PPIE: variants seen among roughly 807,000 people sequenced by gnomAD.
PPIE encodes peptidylprolyl isomerase E.
In PPIE, 20 loss-of-function variants were observed where a neutral mutation model predicts 38.4. That is an observed-to-expected ratio of 0.52 (90% confidence interval 0.37 to 0.76). The LOEUF (loss-of-function observed/expected upper bound fraction) is 0.76, where lower values mean the gene tolerates loss of function less well. Ranked by LOEUF, PPIE falls within the 30% of genes least tolerant of loss-of-function variation. The probability of loss-of-function intolerance (pLI) is 0.00; values close to 1 mark genes in which losing one functional copy is unlikely to be tolerated. For synonymous variants in PPIE, 142 were observed against 135.7 expected, an observed-to-expected ratio of 1.05 and a Z score of -0.32; for missense variants, 322 against 385.8, an observed-to-expected ratio of 0.83 and a Z score of 1.39.
intron 8 of PPIE, among the ~76,000 whole-genome samples, chr1:39,751,198 T>G (rs575237827): frequency 6.6e-6 from 1 of 152,332 alleles, no homozygotes; most frequent in African/African-American, 2.4e-5. Flanking sequence ...ATCTGTTTAT[T>G]TACATAGTAG....
Position 39,743,858 on chromosome 1 carries a change from T to G in PPIE, c.318T>G (p.Ser106=), listed in dbSNP as rs1647124536. 1 of 1,613,864 alleles carries G rather than the reference T, an allele frequency of 6.2e-7. No homozygotes were observed. Among genetic ancestry groups the G allele is most frequent in the Admixed American group, 1.7e-5 (1 of 60,008 alleles). ...ATGATGACTGGTTGAAGAAGTTTTCTGGGAAGACGCTTGAAGAGAATAAAG... is the reference window on the plus strand; with the variant it reads ...ATGATGACTGGTTGAAGAAGTTTTCGGGGAAGACGCTTGAAGAGAATAAAG... ...WSDDDWLKKF[S]GKTLEENKEE... is the part of the protein sequence containing the mutation. The change falls in exon 6 of 10, where the codon TCT becomes TCG. Residue 106 remains serine (S), a synonymous_variant. Transcript: ENST00000324379.
chr1:39,760,566 C>CA, downstream of PPIE: 1 of 1,613,504 alleles, frequency 6.2e-7, no homozygotes, highest in South Asian at 1.1e-5. Context: ...TCATCAGGTG[C>CA]ACCTGGCCAG....
chr1:39,760,665 G>T, downstream of PPIE: 1 of 1,453,114 alleles, frequency 6.9e-7, no homozygotes, highest in Non-Finnish European at 9.2e-7. Flanking sequence ...CCCTGCCCTG[G>T]CCATCTCCAG....
At chr1:39,743,161 C>CT (rs1252379219) in intron 4 of PPIE, 55 bp from the exon 5 acceptor site, 1 of 1,462,010 alleles carries the variant, frequency 6.8e-7, no homozygotes, top group Non-Finnish European at 9.6e-7. Flanking sequence ...GGAAAGCTGG[C>CT]TGGCCCTCTT....
intron 7 of PPIE, 181 bp downstream of exon 7, chr1:39,745,679 T>A: frequency 2.3e-6 from 2 of 879,168 alleles, no homozygotes; most frequent in Non-Finnish European, 3.4e-6. Flanking sequence ...TTTGAAGCTT[T>A]ATAAGTGCTG....
chr1:39,743,566 C>T (rs1402266969), intron 5 of PPIE, among the ~76,000 whole-genome samples: 1 of 152,166 alleles, frequency 6.6e-6, no homozygotes, highest in Non-Finnish European at 1.5e-5. Flanking sequence ...TATTCCATTC[C>T]TGGGGTCTCC....
Position 39,755,106 on chromosome 1 carries a change from T to TC in PPIE, c.*1756dup. ...CTTCTTGGAGCTGGCTTCTCTCCAC[T>TC]CCCCCTCCAGATGCTGGTCAGCCAG... On this transcript the variant is annotated 3_prime_UTR_variant, in exon 10 of 10. Transcript: ENST00000324379. 1.0e-6 allele frequency: 1 copy of TC among 985,398 alleles called. No individual in the cohort carries two copies. The highest frequency in any genetic ancestry group is 1.7e-5 in the African/African-American group (1 of 57,332). The allele number at this position is 985,398 out of a possible 1,614,324, so 61.0% of individuals were successfully genotyped here.
chr1:39,760,128 C>T (rs911840065), downstream of PPIE: 1 of 468,038 alleles, frequency 2.1e-6, no homozygotes, highest in Non-Finnish European at 3.9e-6. Context: ...TCTGTGCCAA[C>T]CCCAAAGAAC....
rs551399848 is a variant in PPIE at position 39,741,841 on chromosome 1, A to G, written c.175-54A>G. 210 of 1,609,372 alleles carry G rather than the reference A, an allele frequency of 1.3e-4. 5 individuals are homozygous for G. The South Asian group carries it at 1.9e-3, about 15-fold the overall frequency. On this transcript the variant is annotated intron_variant, in intron 3 of 9. Coordinates refer to ENST00000324379, the MANE Select transcript of PPIE (RefSeq NM_006112.4). ...GCTACTGAGCATGTGTTTAGACACC[A>G]TAAGAAGCATTTGGCTGCAAGCCTA...
intron 6 of PPIE, among the ~76,000 whole-genome samples, chr1:39,744,419 T>G (rs145132213): frequency 2.6e-5 from 4 of 152,382 alleles, no homozygotes; most frequent in African/African-American, 7.2e-5. Context: ...ATTCTCAGCA[T>G]AGTCTCTGAC....
chr1:39,739,654 C>G (rs11809515), intron 1 of PPIE, among the ~76,000 whole-genome samples: 1 of 151,760 alleles, frequency 6.6e-6, no homozygotes, highest in African/African-American at 2.4e-5. Context: ...GCTACGTAAC[C>G]GAAGCAGAGG....
At chr1:39,749,591 A>G (rs1408443161) in intron 8 of PPIE, among the ~76,000 whole-genome samples, 1 of 151,726 alleles carries the variant, frequency 6.6e-6, no homozygotes, top group Non-Finnish European at 1.5e-5. Flanking sequence ...CCCTCATATC[A>G]TCACCTTCCC....
intron 6 of PPIE, 34 bp from the exon 7 acceptor site, chr1:39,745,341 G>A: frequency 3.7e-6 from 6 of 1,613,472 alleles, no homozygotes; most frequent in Non-Finnish European, 5.1e-6. Flanking sequence ...GCGTCAGGGA[G>A]CTCTCTCTAA....
rs946953721 is a variant in PPIE, at chr1:39,753,410, A to G, written c.*55A>G. ...TCTTGACCCTGCATATCCAGGAAGG[A>G]ACTGCCAGCCTCAGAGGAGGCAGCA... On this transcript the variant is annotated 3_prime_UTR_variant, in exon 10 of 10. Coordinates refer to ENST00000324379, the MANE Select transcript of PPIE (RefSeq NM_006112.4). 1.7e-5 allele frequency: 27 copies of G among 1,596,614 alleles called. No homozygotes were observed. Among genetic ancestry groups the G allele is most frequent in the South Asian group, 5.7e-5 (5 of 87,978 alleles).
chr1:39,738,945 G>T lies in PPIE; in HGVS notation c.31+14G>T, dbSNP rs754163144. ...TCTTGTACGTGGGTGAGCAGGAGGGGTTGCTAGGCGGAGTCTGAGTGAACG... is the reference window on the plus strand; with the variant it reads ...TCTTGTACGTGGGTGAGCAGGAGGGTTTGCTAGGCGGAGTCTGAGTGAACG... On this transcript the variant is annotated intron_variant, in intron 1 of 9. Transcript: ENST00000324379. 1.4e-6 allele frequency: 2 copies of T among 1,470,562 alleles called. No individual in the cohort carries two copies. The highest frequency in any genetic ancestry group is 5.4e-5 in the East Asian group (2 of 36,924). 91.1% of individuals were successfully genotyped at this position (1,470,562 alleles called of 1,614,324 possible). A position where few individuals can be genotyped will look rare whatever the true frequency, so the allele number is the denominator to read the frequency against.
intron 7 of PPIE, chr1:39,745,758 A>G (rs1647187317): frequency 9.8e-6 from 4 of 408,974 alleles, no homozygotes; most frequent in Non-Finnish European, 1.8e-5. Flanking sequence ...AAAGAATAGC[A>G]TATACATATA....
intron 9 of PPIE, 31 bp downstream of exon 9, chr1:39,753,083 C>T: frequency 6.2e-7 from 1 of 1,613,434 alleles, no homozygotes; most frequent in South Asian, 1.1e-5. Context: ...CTCCTCCTTA[C>T]CCAGGCCCTA....
At chr1:39,739,107 A>T in intron 1 of PPIE, 176 bp downstream of exon 1, 2 of 604,564 alleles carry the variant, frequency 3.3e-6, no homozygotes, top group Non-Finnish European at 5.0e-6. Context: ...AAGGTTTCCC[A>T]CTGTCCTCAG....
In PPIE at chr1:39,745,356, C is replaced by G; in HGVS notation, c.385-19C>G. ...GCGTCAGGGAGCTCTCTCTAACTAG[C>G]AATTTCTTCTGCACCTAGGGAGAGC... is the stretch of plus-strand genomic sequence containing the variant. On this transcript the variant is annotated intron_variant, in intron 6 of 9. Coordinates refer to ENST00000324379, the MANE Select transcript of PPIE (RefSeq NM_006112.4). 1 of 1,613,954 alleles carries G rather than the reference C, an allele frequency of 6.2e-7. No homozygotes were observed. Among genetic ancestry groups the G allele is most frequent in the South Asian group, 1.1e-5 (1 of 91,026 alleles).
Sources: gnomAD v4.1 joint callset for allele counts (sites outside exome capture counted in the v4.1 genomes callset) on GRCh38, gnomAD v4.1.1 for gene constraint, MANE v1.5 for transcripts, NCBI Gene and HGNC (gene_info 2026-07-23, HGNC 2026-07-21) for gene names.